Variants in DLGAP4 observed in about 807,000 individuals in gnomAD.
The protein encoded by DLGAP4 is disks large-associated protein 4.
Under a neutral mutation model 86.9 loss-of-function variants are expected in DLGAP4, and 18 were observed. The ratio of observed to expected loss-of-function variants is 0.21; its 90% CI spans 0.14 to 0.31. The LOEUF is 0.31. DLGAP4 is among the 10% of genes least tolerant of loss of function. The pLI is 1.00. For missense variants in DLGAP4, 1,085 were observed against 1,362.6 expected (o/e 0.80, Z 3.21); for synonymous variants, 548 against 574.3 (o/e 0.95, Z 0.65).
intron 2 of DLGAP4, among the ~76,000 whole-genome samples, chr20:36,414,227 C>T (rs1468453208): frequency 6.6e-6 from 1 of 152,192 alleles, no homozygotes; most frequent in Non-Finnish European, 1.5e-5. Context: ...TTGAAAACAG[C>T]AGCCAAGGGG....
rs1162628745 is a variant in DLGAP4, at chr20:36,527,203, C to T, written c.*172C>T. 2 of 552,126 alleles carry T rather than the reference C, an allele frequency of 3.6e-6. No homozygotes were observed. Among genetic ancestry groups the T allele is most frequent in the Non-Finnish European group, 6.1e-6 (2 of 326,482 alleles). 34.2% of individuals were successfully genotyped at this position (552,126 alleles called of 1,614,324 possible). ...CAATTTGGCTTTTTTGGGTCCCTCC[C>T]AGCTTTAGGTTATGAAGATTTTACT... On this transcript the variant is annotated 3_prime_UTR_variant, in exon 13 of 13. Transcript: ENST00000339266.
At chr20:36,513,554 CAAAAAAAA>C (rs562398294) in intron 10 of DLGAP4, among the ~76,000 whole-genome samples, 123 of 40,562 alleles carry the variant, frequency 3.0e-3, no homozygotes, top group African/African-American at 8.8e-3. Context: ...GACTCCGTCT[CAAAAAAAA>C]AAAAAAAAAA....
intron 11 of DLGAP4, among the ~76,000 whole-genome samples, chr20:36,525,158 C>G (rs536519998): frequency 1.8e-4 from 22 of 125,596 alleles, no homozygotes; most frequent in African/African-American, 6.0e-4. Context: ...GTGGAACTTG[C>G]AGTGAGCCGA....
At position 36,397,601 on chromosome 20, in the gene DLGAP4, G is replaced by A. The variant is rs1219657882; in HGVS notation, c.-73+30326G>A. Among the ~76,000 whole-genome samples, 4 of 151,480 alleles carry A rather than the reference G, an allele frequency of 2.6e-5. No individual in the cohort carries two copies. In the East Asian group the frequency reaches 5.8e-4, roughly 22 times the overall value. On this transcript the variant is annotated intron_variant, in intron 2 of 12. Coordinates refer to ENST00000339266, the MANE Select transcript of DLGAP4 (RefSeq NM_001365621.2). ...TTAATATAAACACTGAAGACTATAC[G>A]TCTCTAGATACAACTTTAGCTGCAT... is the stretch of plus-strand genomic sequence containing the variant.
At chr20:36,490,394 T>A (rs935294047) in intron 7 of DLGAP4, among the ~76,000 whole-genome samples, 5 of 152,190 alleles carry the variant, frequency 3.3e-5, no homozygotes, top group Non-Finnish European at 7.4e-5. Flanking sequence ...GAGCTGTTTT[T>A]ATCATAGCAT....
At position 36,528,446 on chromosome 20, in the gene DLGAP4, AC is replaced by A. The variant is rs35876821; in HGVS notation, c.*1424del. 1.7e-3 allele frequency: 237 copies of A among 141,422 alleles called. 2 individuals carry two copies. Among genetic ancestry groups the A allele is most frequent in the East Asian group, 3.5e-3 (16 of 4,630 alleles). 8.8% of individuals were successfully genotyped at this position (141,422 alleles called of 1,614,324 possible). A position where few individuals can be genotyped will look rare whatever the true frequency, so the allele number is the denominator to read the frequency against. ...TGGCTGGCGCTTGCTGCAGGGGGGG[AC>A]CCCCCCCCGTCCCCAGGTGAACCAA... On this transcript the variant is annotated 3_prime_UTR_variant, in exon 13 of 13. Coordinates refer to ENST00000339266, the MANE Select transcript of DLGAP4 (RefSeq NM_001365621.2).
intron 10 of DLGAP4, among the ~76,000 whole-genome samples, chr20:36,523,659 A>C (rs560293790): frequency 6.6e-6 from 1 of 152,192 alleles, no homozygotes; most frequent in South Asian, 2.1e-4. Context: ...AATATTTATG[A>C]GTCTAATCAG....
intron 1 of DLGAP4, among the ~76,000 whole-genome samples, chr20:36,335,058 A>G (rs188238916): frequency 1.8e-4 from 27 of 152,284 alleles, no homozygotes; most frequent in Non-Finnish European, 3.4e-4. Context: ...TTAAAGCTGC[A>G]GGTTGGAGCT....
intron 2 of DLGAP4, among the ~76,000 whole-genome samples, chr20:36,394,735 T>C (rs575052265): frequency 2.8e-4 from 42 of 150,176 alleles, no homozygotes; most frequent in African/African-American, 9.7e-4. Flanking sequence ...CGACCTGCCT[T>C]GCCTCCCACG....
chr20:36,442,650 C>T, intron 5 of DLGAP4, 77 bp from the exon 6 acceptor site: 3 of 1,538,156 alleles, frequency 2.0e-6, no homozygotes, highest in Non-Finnish European at 2.7e-6. Context: ...TTCAAGTTTC[C>T]TTGCAATTGA....
At chr20:36,485,669 T>C (rs2035380232) in intron 7 of DLGAP4, among the ~76,000 whole-genome samples, 2 of 152,170 alleles carry the variant, frequency 1.3e-5, no homozygotes, top group Non-Finnish European at 2.9e-5. Context: ...CTGCCACTCA[T>C]AAGAGTAAAA....
At chr20:36,377,218 G>T (rs1343264590) in intron 2 of DLGAP4, among the ~76,000 whole-genome samples, 1 of 152,164 alleles carries the variant, frequency 6.6e-6, no homozygotes, top group Non-Finnish European at 1.5e-5. Context: ...GGCTAGCTTG[G>T]GTGATAGGTA....
rs574696248 is a variant in DLGAP4, at chr20:36,395,766, C to T, written c.-73+28491C>T. On this transcript the variant is annotated intron_variant, in intron 2 of 12. Transcript: ENST00000339266. Reference sequence around the variant, plus strand: ...CGCCCGCCTCGGCCTCCCAAAGTCCCGGACCTGGCCAGCACTGCCATTCTC... The same window carrying T: ...CGCCCGCCTCGGCCTCCCAAAGTCCTGGACCTGGCCAGCACTGCCATTCTC... Among the ~76,000 whole-genome samples, 69 of 152,220 alleles carry T rather than the reference C, an allele frequency of 4.5e-4. 1 individual carries two copies. The highest frequency in any genetic ancestry group is 3.4e-3 in the Middle Eastern group (1 of 294).
intron 10 of DLGAP4, among the ~76,000 whole-genome samples, chr20:36,507,365 T>C (rs1468518253): frequency 1.3e-5 from 2 of 152,092 alleles, no homozygotes; most frequent in Non-Finnish European, 2.9e-5. Context: ...GTAGCTGGGA[T>C]TACAGGCACA....
In DLGAP4 at chr20:36,350,614, G is replaced by T. The variant is rs1555893394; in HGVS notation, c.-303-16431G>T. On this transcript the variant is annotated intron_variant, in intron 1 of 12. Coordinates refer to ENST00000339266, the MANE Select transcript of DLGAP4 (RefSeq NM_001365621.2). This position sits in a 1 kb window ranked among gnomAD's most constrained non-coding sequence, Gnocchi z 4.4. ...ACAAGGGCATGCCCTCTGTACCAGGGCAGCAGGTGGGGAAGGGGCCTATCA... is the reference window on the plus strand; with the variant it reads ...ACAAGGGCATGCCCTCTGTACCAGGTCAGCAGGTGGGGAAGGGGCCTATCA... Among the ~76,000 whole-genome samples, 2 of 152,240 alleles carry T rather than the reference G, an allele frequency of 1.3e-5. No homozygotes were observed. Among genetic ancestry groups the T allele is most frequent in the African/African-American group, 4.8e-5 (2 of 41,462 alleles).
chr20:36,442,836 G>A, intron 6 of DLGAP4, 59 bp downstream of exon 6: 2 of 1,610,592 alleles, frequency 1.2e-6, no homozygotes, highest in South Asian at 2.2e-5. Context: ...TGGGCCTTAG[G>A]CCTGCCCTCT....
rs1313680704 is a variant in DLGAP4 at position 36,347,433 on chromosome 20, A to C, written c.-303-19612A>C. Among the ~76,000 whole-genome samples, 7 of 151,590 alleles carry C rather than the reference A, an allele frequency of 4.6e-5. No homozygotes were observed. In the East Asian group the frequency reaches 1.4e-3, roughly 30 times the overall value. On this transcript the variant is annotated intron_variant, in intron 1 of 12. Coordinates refer to ENST00000339266, the MANE Select transcript of DLGAP4 (RefSeq NM_001365621.2). ...CACCAGCATCAACCCAGGCCAAGAG[A>C]AGCTTGTTTGTCCATTCATTCAACT...
At chr20:36,448,585 A>G (rs992774898) in intron 7 of DLGAP4, among the ~76,000 whole-genome samples, 5 of 152,168 alleles carry the variant, frequency 3.3e-5, no homozygotes, top group African/African-American at 1.2e-4. Flanking sequence ...AAGCTTGGTA[A>G]GTGGTAGCTG....
At chr20:36,317,953 G>T (rs1380046947) in intron 1 of DLGAP4, among the ~76,000 whole-genome samples, 1 of 152,032 alleles carries the variant, frequency 6.6e-6, no homozygotes, top group African/African-American at 2.4e-5. Flanking sequence ...CAGCCTGGGA[G>T]CATGGCCCAG....
Sources: gnomAD v4.1 joint callset for allele counts (sites outside exome capture counted in the v4.1 genomes callset) on GRCh38, gnomAD v4.1.1 for gene constraint, Gnocchi (gnomAD v3.1) non-coding constraint, MANE v1.5 for transcripts, NCBI Gene and HGNC (gene_info 2026-07-23, HGNC 2026-07-21) for gene names.